The following DAB1 variants were observed in gnomAD, a reference collection of about 807,000 sequenced individuals.
The protein encoded by DAB1 is DAB adaptor protein 1.
A neutral mutation model predicts 64.6 loss-of-function variants in DAB1; 15 were observed. That is an observed-to-expected ratio of 0.23 (90% CI 0.16 to 0.36). DAB1 has a LOEUF of 0.36. DAB1 is among the 10% of genes least tolerant of loss of function. The probability of loss-of-function intolerance (pLI) is 1.00; values close to 1 mark genes in which losing one functional copy is unlikely to be tolerated. For missense variants in DAB1, 596 were observed against 706.7 expected (o/e 0.84, Z 1.78); for synonymous variants, 235 against 251.9 (o/e 0.93, Z 0.64).
intron 3 of DAB1, among the ~76,000 whole-genome samples, chr1:58,392,993 G>A (rs1208370028): frequency 1.3e-5 from 2 of 151,908 alleles, no homozygotes; most frequent in Non-Finnish European, 2.9e-5. Flanking sequence ...GGATCGGTCA[G>A]AGTTGGGATT....
intron 4 of DAB1, among the ~76,000 whole-genome samples, chr1:57,114,213 G>A (rs534279904): frequency 4.6e-5 from 7 of 152,254 alleles, no homozygotes; most frequent in South Asian, 2.1e-4. Flanking sequence ...TGAATAGACC[G>A]CTACAGATAT....
At chr1:57,098,240 A>T (rs1278343408) in intron 4 of DAB1, among the ~76,000 whole-genome samples, 2 of 152,160 alleles carry the variant, frequency 1.3e-5, no homozygotes, top group African/African-American at 4.8e-5. Context: ...TCTTACCTTT[A>T]TTTACTGTCT....
upstream of DAB1, among the ~76,000 whole-genome samples, chr1:57,887,151 C>T (rs1644235747): frequency 6.6e-6 from 1 of 152,128 alleles, no homozygotes; most frequent in South Asian, 2.1e-4. Context: ...ATATGCAAAG[C>T]CTTCTTTGGT....
intron 9 of DAB1, among the ~76,000 whole-genome samples, chr1:57,036,005 GC>G (rs1203432576): frequency 6.6e-6 from 1 of 151,770 alleles, no homozygotes; most frequent in Non-Finnish European, 1.5e-5. Flanking sequence ...ACCATGCCTG[GC>G]TAATTTTTGT....
At chr1:57,148,397 T>C (rs1659350779) in intron 2 of DAB1, among the ~76,000 whole-genome samples, 1 of 152,224 alleles carries the variant, frequency 6.6e-6, no homozygotes, top group African/African-American at 2.4e-5. Context: ...AGTTTCTCAT[T>C]AAATGCTTCA....
At chr1:57,165,221 C>T (rs1026868077) in intron 2 of DAB1, among the ~76,000 whole-genome samples, 11 of 151,906 alleles carry the variant, frequency 7.2e-5, no homozygotes, top group Middle Eastern at 3.4e-3. Context: ...CTTTTTTTGT[C>T]GCCTTTCTGC....
chr1:57,472,777 C>T (rs376062810), intron 7 of DAB1, among the ~76,000 whole-genome samples: 1 of 152,190 alleles, frequency 6.6e-6, no homozygotes, highest in South Asian at 2.1e-4. Context: ...CCTTCTTTAA[C>T]TCATGTCTGA....
At chr1:57,147,863 G>T (rs1214877860) in intron 2 of DAB1, among the ~76,000 whole-genome samples, 1 of 152,170 alleles carries the variant, frequency 6.6e-6, no homozygotes, top group Admixed American at 6.5e-5. Flanking sequence ...AGTGTTAGAG[G>T]CCATGTAACT....
At chr1:58,235,042 G>C (rs1306276121) in intron 4 of DAB1, among the ~76,000 whole-genome samples, 3 of 152,240 alleles carry the variant, frequency 2.0e-5, no homozygotes, top group African/African-American at 7.2e-5. Context: ...TCTCTAATTA[G>C]TGTAATACTG....
chr1:57,093,810 A>G (rs1653904734), intron 4 of DAB1, among the ~76,000 whole-genome samples: 1 of 152,086 alleles, frequency 6.6e-6, no homozygotes, highest in Admixed American at 6.6e-5. Context: ...GATGAGCTCA[A>G]GTGTTTAAGA....
intron 2 of DAB1, among the ~76,000 whole-genome samples, chr1:57,185,228 T>A (rs1474676947): frequency 6.6e-6 from 1 of 152,126 alleles, no homozygotes; most frequent in Admixed American, 6.5e-5. Context: ...CCTACCATGT[T>A]AGGAACTTCC....
At chr1:58,288,276 G>A (rs890426463) in intron 4 of DAB1, among the ~76,000 whole-genome samples, 4 of 152,062 alleles carry the variant, frequency 2.6e-5, no homozygotes, top group Admixed American at 1.3e-4. Context: ...TACTCCAAAT[G>A]ACGTAAATGT....
intron 9 of DAB1, among the ~76,000 whole-genome samples, chr1:57,062,135 A>T (rs1357633823): frequency 6.6e-6 from 1 of 152,170 alleles, no homozygotes; most frequent in Non-Finnish European, 1.5e-5. Context: ...GAGCAGTACC[A>T]CACAGCTGGG....
chr1:58,533,173 C>T (rs12058651), intron 1 of DAB1, among the ~76,000 whole-genome samples: 27,066 of 152,072 alleles, frequency 0.18, 2,537 homozygotes, highest in African/African-American at 0.23. Context: ...GGACTTATAT[C>T]AAGATGAACA....
At chr1:57,745,658 T>A (rs146893549) in intron 6 of DAB1, among the ~76,000 whole-genome samples, 1 of 152,332 alleles carries the variant, frequency 6.6e-6, no homozygotes, top group Non-Finnish European at 1.5e-5. Flanking sequence ...TTACCAAAAA[T>A]GCAATGAATT....
chr1:57,790,104 G>A (rs1650524411), intron 6 of DAB1, among the ~76,000 whole-genome samples: 1 of 152,170 alleles, frequency 6.6e-6, no homozygotes. Flanking sequence ...GAAAGTGGTA[G>A]TTGCCCCTCC....
chr1:57,584,518 C>T (rs1368386681), intron 7 of DAB1, among the ~76,000 whole-genome samples: 1 of 152,176 alleles, frequency 6.6e-6, no homozygotes, highest in Admixed American at 6.5e-5. Flanking sequence ...TACTCTGCAA[C>T]CACTGATACC....
rs116333418 is a variant in DAB1, at chr1:58,222,985, T to C, written n.310-72397A>G. ...TTGCAGATTCCTGATCTGAGTCCCA[T>C]GACTGGGTCAGGGGCCTCTTTGAGA... On this transcript the variant is annotated intron_variant and non_coding_transcript_variant, in intron 4 of 20. Transcript: ENST00000485760. Among the ~76,000 whole-genome samples, 347 of 152,300 alleles carry C rather than the reference T, an allele frequency of 2.3e-3. 2 individuals carry two copies. The highest frequency in any genetic ancestry group is 7.8e-3 in the African/African-American group (325 of 41,574).
intron 1 of DAB1, among the ~76,000 whole-genome samples, chr1:57,299,258 C>A (rs1001171312): frequency 1.3e-5 from 2 of 152,084 alleles, no homozygotes; most frequent in African/African-American, 2.4e-5. Flanking sequence ...ACAAACTAAT[C>A]TTTTTTATCA....
Sources: gnomAD v4.1 joint callset for allele counts (sites outside exome capture counted in the v4.1 genomes callset) on GRCh38, gnomAD v4.1.1 for gene constraint, MANE v1.5 for transcripts, NCBI Gene and HGNC (gene_info 2026-07-23, HGNC 2026-07-21) for gene names.